PCDHA1: variants seen among roughly 807,000 people sequenced by gnomAD.
PCDHA1 encodes protocadherin alpha 1, also known as protocadherin alpha-1.
In PCDHA1, 42 loss-of-function variants were observed where a neutral mutation model predicts 61.3. The ratio of observed to expected loss-of-function variants is 0.69; its 90% CI spans 0.54 to 0.89. PCDHA1 has a LOEUF of 0.89. Ranked by LOEUF, PCDHA1 falls within the 40% of genes least tolerant of loss-of-function variation. The probability of loss-of-function intolerance (pLI) is 0.00; values close to 1 mark genes in which losing one functional copy is unlikely to be tolerated. For missense variants in PCDHA1, 1,256 were observed against 1,235.3 expected, an observed-to-expected ratio of 1.02 and a Z score of -0.25; for synonymous variants, 610 against 553.8, an observed-to-expected ratio of 1.10 and a Z score of -1.43.
chr5:140,805,358 T>G, intron 1 of PCDHA1: 1 of 1,194,716 alleles, frequency 8.4e-7, no homozygotes, highest in Non-Finnish European at 1.0e-6. Context: ...AAATATAGTT[T>G]GGGTCCCCAC....
chr5:140,883,109 T>C (rs782237873), intron 1 of PCDHA1: 95 of 1,613,962 alleles, frequency 5.9e-5, no homozygotes, highest in Non-Finnish European at 8.0e-5. Context: ...AGTTTACTCA[T>C]TTAGAAGGCC....
intron 1 of PCDHA1, chr5:140,966,887 G>A: frequency 6.3e-7 from 1 of 1,592,682 alleles, no homozygotes. Flanking sequence ...TGGCCCTGCG[G>A]CCTCCCAGCT....
chr5:140,877,507 T>G, intron 1 of PCDHA1: 1 of 1,613,744 alleles, frequency 6.2e-7, no homozygotes, highest in Non-Finnish European at 8.5e-7. Flanking sequence ...CCCAAAGACG[T>G]CGTCGCGGGC....
chr5:140,891,744 A>G (rs2063231419), intron 1 of PCDHA1, among the ~76,000 whole-genome samples: 1 of 152,070 alleles, frequency 6.6e-6, no homozygotes, highest in South Asian at 2.1e-4. Context: ...AATCCCTTAT[A>G]CAACAGTGTT....
chr5:140,856,960 T>C, intron 1 of PCDHA1: 2 of 1,593,258 alleles, frequency 1.3e-6, no homozygotes, highest in Non-Finnish European at 8.6e-7. Flanking sequence ...TAAAAGTAAA[T>C]GATGCTATTG....
chr5:140,806,886 T>C (rs1178813131), intron 1 of PCDHA1: 1 of 431,026 alleles, frequency 2.3e-6, no homozygotes, highest in African/African-American at 2.0e-5. Context: ...GTACAAAATG[T>C]ATTCCTATTC....
At chr5:140,808,657 G>GTCC in intron 1 of PCDHA1, 1 of 1,613,180 alleles carries the variant, frequency 6.2e-7, no homozygotes, top group Non-Finnish European at 8.5e-7. Context: ...ACGCGCTGGT[G>GTCC]TCCTACTCGC....
intron 1 of PCDHA1, chr5:140,883,172 AT>A: frequency 1.2e-6 from 2 of 1,614,038 alleles, no homozygotes; most frequent in Non-Finnish European, 1.7e-6. Flanking sequence ...CAATGGAGAA[AT>A]TAGGACAAAA....
chr5:140,832,282 A>C (rs1771893772), intron 1 of PCDHA1, among the ~76,000 whole-genome samples: 4 of 152,208 alleles, frequency 2.6e-5, no homozygotes, highest in Admixed American at 2.6e-4. Flanking sequence ...ATTAAGCATG[A>C]ATGGTGTATT....
At chr5:140,969,139 C>T (rs1407003944) in intron 1 of PCDHA1, 5 of 1,614,064 alleles carry the variant, frequency 3.1e-6, no homozygotes, top group Non-Finnish European at 4.2e-6. Context: ...CCAAGACCTA[C>T]TGCTACAAGG....
chr5:140,829,044 T>A, intron 1 of PCDHA1: 13 of 1,613,140 alleles, frequency 8.1e-6, no homozygotes, highest in Non-Finnish European at 1.1e-5. Context: ...TTATACAAAA[T>A]CCTCATTGAC....
intron 1 of PCDHA1, among the ~76,000 whole-genome samples, chr5:140,890,919 G>A (rs181566078): frequency 3.0e-4 from 46 of 152,178 alleles, no homozygotes; most frequent in Admixed American, 9.2e-4. Flanking sequence ...TAATTTGAGA[G>A]TTTCCTTTAG....
intron 1 of PCDHA1, among the ~76,000 whole-genome samples, chr5:140,938,642 CCTT>C (rs1554212266): frequency 6.6e-6 from 1 of 151,942 alleles, no homozygotes; most frequent in East Asian, 1.9e-4. Flanking sequence ...GATGTATAAT[CCTT>C]CTTTATATCA....
intron 1 of PCDHA1, among the ~76,000 whole-genome samples, chr5:140,940,595 G>A (rs1233586288): frequency 2.0e-5 from 3 of 152,100 alleles, no homozygotes; most frequent in East Asian, 1.9e-4. Context: ...TTTCAGGCAT[G>A]AGCCGCTGCT....
chr5:140,809,194 TGTG>T, intron 1 of PCDHA1: 1 of 1,613,998 alleles, frequency 6.2e-7, no homozygotes, highest in East Asian at 2.2e-5. Flanking sequence ...TGGTGTCACT[TGTG>T]GAGAGTGGAC....
chr5:140,825,482 GC>G (rs1768595274), intron 1 of PCDHA1: 1 of 149,484 alleles, frequency 6.7e-6, no homozygotes, highest in Non-Finnish European at 1.5e-5. Context: ...TGCTCTTGTT[GC>G]CCAAACGAGT....
intron 1 of PCDHA1, chr5:140,794,783 T>C (rs1761879352): frequency 1.5e-6 from 1 of 667,656 alleles, no homozygotes; most frequent in Non-Finnish European, 2.5e-6. Flanking sequence ...GCCTTCCTTT[T>C]AGCCACATGA....
At chr5:140,972,783 C>T (rs1437997582) in intron 1 of PCDHA1, among the ~76,000 whole-genome samples, 2 of 151,768 alleles carry the variant, frequency 1.3e-5, no homozygotes, top group African/African-American at 4.8e-5. Context: ...TCTGCCTCAG[C>T]CTCCTGAGTA....
In PCDHA1 at chr5:140,923,298, C is replaced by T. The variant is rs1039610789; in HGVS notation, c.2395-55651C>T. ...TACAAAAAATTAAAAATTAGCTGGG[C>T]GTGGGGGCGCTTGGCCTAGAAGTTC... On this transcript the variant is annotated intron_variant, in intron 1 of 3. Transcript: ENST00000504120. Among the ~76,000 whole-genome samples, 28 of 152,160 alleles carry T rather than the reference C, an allele frequency of 1.8e-4. 1 individual carries two copies. The highest frequency in any genetic ancestry group is 4.8e-4 in the African/African-American group (20 of 41,504).
Sources: allele counts gnomAD v4.1 joint callset (sites outside exome capture counted in the v4.1 genomes callset), GRCh38; gene constraint gnomAD v4.1.1; transcripts MANE v1.5; gene names NCBI Gene and HGNC (gene_info 2026-07-23, HGNC 2026-07-21).